CHD4: variants seen among roughly 807,000 people sequenced by gnomAD.
The protein encoded by CHD4 is chromodomain helicase DNA binding protein 4.
Under a neutral mutation model 235.5 loss-of-function variants are expected in CHD4, and 35 were observed. The ratio of observed to expected loss-of-function variants is 0.15; its 90% CI spans 0.11 to 0.20. The LOEUF is 0.20. Ranked by LOEUF, CHD4 falls within the 10% of genes least tolerant of loss-of-function variation. The pLI is 1.00. For synonymous variants in CHD4, 900 were observed against 850.2 expected (o/e 1.06, Z -1.02); for missense variants, 1,329 against 2,432.3 (o/e 0.55, Z 9.54).
At position 6,570,556 on chromosome 12, in the gene CHD4, C is replaced by T; in HGVS notation, c.*120G>A. On this transcript the variant is annotated 3_prime_UTR_variant, in exon 40 of 40. Transcript: ENST00000544040. ...CCAGTGCACTGGGGCTGTTCCTTTA[C>T]AACATGGAAGATGGGCAGAAGGAAG... is the stretch of plus-strand genomic sequence containing the variant. 4 of 1,289,356 alleles carry T rather than the reference C, an allele frequency of 3.1e-6. No homozygotes were observed. In the South Asian group the frequency reaches 5.1e-5, roughly 16 times the overall value. The allele number at this position is 1,289,356 out of a possible 1,614,324, so 79.9% of individuals were successfully genotyped here. A position where few individuals can be genotyped will look rare whatever the true frequency, so the allele number is the denominator to read the frequency against.
rs1391539970 is a variant in CHD4, at chr12:6,570,298, A to G, written c.*378T>C. On this transcript the variant is annotated 3_prime_UTR_variant, in exon 40 of 40. Coordinates refer to ENST00000544040, the MANE Select transcript of CHD4 (RefSeq NM_001273.5). ...ACTCTGAATACCCCCCAAAAAGGAG[A>G]AAAGAAAACACAAAATAAACCAACA... 1.2e-5 allele frequency: 3 copies of G among 241,538 alleles called. No homozygotes were observed. The highest frequency in any genetic ancestry group is 2.4e-5 in the Non-Finnish European group (3 of 124,288). 15.0% of individuals were successfully genotyped at this position (241,538 alleles called of 1,614,324 possible). A position where few individuals can be genotyped will look rare whatever the true frequency, so the allele number is the denominator to read the frequency against.
Position 6,581,774 on chromosome 12 carries a change from G to A in CHD4, c.4556C>T (p.Pro1519Leu). 1 of 1,575,550 alleles carries A rather than the reference G, an allele frequency of 6.3e-7. No homozygotes were observed. Among genetic ancestry groups the A allele is most frequent in the African/African-American group, 1.4e-5 (1 of 74,040 alleles). Residue 1519 changes from proline (P) to leucine (L), a missense_variant, in exon 31 of 40, where the codon CCT becomes CTT. Physicochemically the swap from Pro to Leu is moderately conservative, Grantham distance 98 (BLOSUM62 -3). Transcript: ENST00000544040. ...GTTTTCCTCCACCTCAGCCAGTTCA[G>A]GCATGCTCCAGCGCCCATTAACATG... ...FEHVNGRWSM[P>L]ELAEVEENKK...
chr12:6,585,542 A>G (rs1210474204), intron 25 of CHD4, among the ~76,000 whole-genome samples: 1 of 151,498 alleles, frequency 6.6e-6, no homozygotes, highest in Non-Finnish European at 1.5e-5. Flanking sequence ...TTGGCCTCCC[A>G]AAGTGCTGGG....
In CHD4 at chr12:6,593,487, T is replaced by C; in HGVS notation, c.2443A>G (p.Ile815Val). The change falls in exon 16 of 40, where the codon ATC (isoleucine) becomes GTC (valine). Residue 815 changes from isoleucine to valine, a missense_variant. Around this residue, in one of 26 missense-constraint regions of CHD4, gnomAD observed 78 missense variants for 174.8 expected, o/e 0.45. Coordinates refer to ENST00000544040, the MANE Select transcript of CHD4 (RefSeq NM_001273.5). This position sits in a 1 kb window ranked among gnomAD's most constrained non-coding sequence, Gnocchi z 4.9. ...TYVGDKDSRA[I>V]IRENEFSFED... ...AAGGAGAACTCATTCTCTCGGATGATGGCACGGCTGTCCTTGTCACCCACA... is the reference window on the plus strand; with the variant it reads ...AAGGAGAACTCATTCTCTCGGATGACGGCACGGCTGTCCTTGTCACCCACA... 1 of 1,614,194 alleles carries C rather than the reference T, an allele frequency of 6.2e-7. No homozygotes were observed. Among genetic ancestry groups the C allele is most frequent in the Non-Finnish European group, 8.5e-7 (1 of 1,180,036 alleles).
intron 22 of CHD4, among the ~76,000 whole-genome samples, chr12:6,590,410 G>T (rs535519630): frequency 5.3e-5 from 8 of 152,124 alleles, no homozygotes; most frequent in Non-Finnish European, 1.0e-4. Flanking sequence ...CTGCAGTTAC[G>T]TAAGTTATTA....
chr12:6,573,084 G>C lies in CHD4; in HGVS notation c.5547C>G (p.Val1849=). The change falls in exon 38 of 40, where the codon GTC becomes GTG. Residue 1849 remains valine, a synonymous_variant. Transcript: ENST00000544040. ...GGAGCCACTGGCTACCTTTGTGCAG[G>C]ACTGCATTGGCTGGCTTGTTTCCTG... The part of the protein sequence containing the change: ...SMAGNKPANA[V]LHKVLKQLEE... 6.2e-7 allele frequency: 1 copy of C among 1,608,334 alleles called. No homozygotes were observed. Among genetic ancestry groups the C allele is most frequent in the South Asian group, 1.1e-5 (1 of 89,778 alleles).
Position 6,581,176 on chromosome 12 carries a change from T to TTTG in CHD4, c.4780-4_4780-3insCAA. On this transcript the variant is annotated splice_polypyrimidine_tract_variant and splice_region_variant and intron_variant, in intron 32 of 39. Coordinates refer to ENST00000544040, the MANE Select transcript of CHD4 (RefSeq NM_001273.5). ...GCAGGGGCAGGGGCCTGTGTACACT[T>TTTG]CAAAGGAAAAAAAAACAAAAACAAA... 6.2e-7 allele frequency: 1 copy of TTTG among 1,611,552 alleles called. No individual in the cohort carries two copies. The highest frequency in any genetic ancestry group is 8.5e-7 in the Non-Finnish European group (1 of 1,179,340).
chr12:6,605,180 G>C (rs983441228), intron 2 of CHD4, among the ~76,000 whole-genome samples: 7 of 152,180 alleles, frequency 4.6e-5, no homozygotes, highest in South Asian at 2.1e-4. Context: ...GCTAAGAAGA[G>C]AGAAGGCAGA....
chr12:6,581,012 C>G, intron 33 of CHD4, 32 bp downstream of exon 33: 1 of 1,610,860 alleles, frequency 6.2e-7, no homozygotes, highest in Non-Finnish European at 8.5e-7. Context: ...TCAAAACAAA[C>G]AAACAAACAA....
intron 38 of CHD4, 90 bp downstream of exon 38, chr12:6,572,984 T>G: frequency 3.1e-6 from 4 of 1,303,986 alleles, no homozygotes; most frequent in Non-Finnish European, 4.2e-6. Context: ...ACAAAGGAGC[T>G]CTGAAAGTTT....
Position 6,593,779 on chromosome 12 carries a change from T to C in CHD4, c.2314-163A>G, listed in dbSNP as rs936408602. ...TCTATACAAGTGCCCAGCCCACTCCTTTCCAAAAACCCAAGGTCCCACCAT... is the reference window on the plus strand; with the variant it reads ...TCTATACAAGTGCCCAGCCCACTCCCTTCCAAAAACCCAAGGTCCCACCAT... On this transcript the variant is annotated intron_variant, in intron 15 of 39. Coordinates refer to ENST00000544040, the MANE Select transcript of CHD4 (RefSeq NM_001273.5). This position sits in a 1 kb window ranked among gnomAD's most constrained non-coding sequence, Gnocchi z 4.9. Among the ~76,000 whole-genome samples, 1 of 152,136 alleles carries C rather than the reference T, an allele frequency of 6.6e-6. No individual in the cohort carries two copies. The highest frequency in any genetic ancestry group is 1.5e-5 in the Non-Finnish European group (1 of 68,028).
intron 14 of CHD4, among the ~76,000 whole-genome samples, chr12:6,594,891 A>G (rs764072833): frequency 2.3e-4 from 35 of 152,226 alleles, no homozygotes; most frequent in Non-Finnish European, 5.0e-4. Context: ...AGCACGTCAC[A>G]GACTCCCTAC....
Position 6,578,841 on chromosome 12 carries a change from C to T in CHD4, c.4981+5G>A. On this transcript the variant is annotated splice_donor_5th_base_variant and intron_variant, in intron 34 of 39. Coordinates refer to ENST00000544040, the MANE Select transcript of CHD4 (RefSeq NM_001273.5). ...GAACCACAATCAACTTCTCCAAACA[C>T]CCACCTTTGTCTTCTACCACAATAG... is the stretch of plus-strand genomic sequence containing the variant. The T allele has an allele frequency of 6.2e-7, 1 of 1,614,018 alleles. No individual in the cohort carries two copies. The highest frequency in any genetic ancestry group is 8.5e-7 in the Non-Finnish European group (1 of 1,179,846).
At position 6,570,479 on chromosome 12, in the gene CHD4, G is replaced by C; in HGVS notation, c.*197C>G. The C allele has an allele frequency of 1.5e-6, 1 of 645,720 alleles. No homozygotes were observed. The highest frequency in any genetic ancestry group is 2.0e-5 in the South Asian group (1 of 50,730). 40.0% of individuals were successfully genotyped at this position (645,720 alleles called of 1,614,324 possible). On this transcript the variant is annotated 3_prime_UTR_variant, in exon 40 of 40. Coordinates refer to ENST00000544040, the MANE Select transcript of CHD4 (RefSeq NM_001273.5). ...TGCAGATGGCGCCAGCGCTACTGCT[G>C]CATGTCTCTTCTGCAGGAAGGGCAC...
In CHD4 at chr12:6,578,453, A is replaced by T; in HGVS notation, c.5075T>A (p.Ile1692Asn). The T allele has an allele frequency of 2.5e-6, 4 of 1,614,104 alleles. No individual in the cohort carries two copies. The highest frequency in any genetic ancestry group is 3.4e-6 in the Non-Finnish European group (4 of 1,180,022). The change falls in exon 35 of 40, where the codon ATT becomes AAT. Residue 1692 changes from isoleucine (I) to asparagine (N), a missense_variant. By Grantham distance (149) the Ile-to-Asn change is moderately radical. Coordinates refer to ENST00000544040, the MANE Select transcript of CHD4 (RefSeq NM_001273.5). Reference protein sequence around the residue: ...DLNDEKQKKNIKQRFMFNIAD... With the variant: ...DLNDEKQKKNNKQRFMFNIAD... ...AATGTTAAACATGAAACGTTGTTTAATATTTTTCTTCTGTTTCTCATCATT... is the reference window on the plus strand; with the variant it reads ...AATGTTAAACATGAAACGTTGTTTATTATTTTTCTTCTGTTTCTCATCATT...
At position 6,593,227 on chromosome 12, in the gene CHD4, T is replaced by C. The variant is rs558343040; in HGVS notation, c.2516A>G (p.Lys839Arg). The change falls in exon 17 of 40, where the codon AAA becomes AGA. Residue 839 changes from lysine (K) to arginine (R), a missense_variant and splice_region_variant. By Grantham distance (26) the Lys-to-Arg change is conservative. Transcript: ENST00000544040. The surrounding 1 kb of genome is among the most constrained non-coding windows in gnomAD (Gnocchi z 4.9). ...CACATGGAATTTCACAGATGCCTCT[T>C]TCTGCACATGAAGGCAACTTGGTCA... ...RGGKKASRMKKEASVKFHVLL... is the reference protein window; with the variant it reads ...RGGKKASRMKREASVKFHVLL... 6.2e-7 allele frequency: 1 copy of C among 1,614,058 alleles called. No individual in the cohort carries two copies. Among genetic ancestry groups the C allele is most frequent in the Admixed American group, 1.7e-5 (1 of 60,024 alleles).
rs1418971967 is a variant in CHD4 at position 6,607,319 on chromosome 12, G to C, written c.-98C>G. The C allele has an allele frequency of 6.6e-6, 1 of 151,930 alleles. No individual in the cohort carries two copies. 9.4% of individuals were successfully genotyped at this position (151,930 alleles called of 1,614,324 possible). ...CCTCACCCCGGAGCCGCCGCAGGTC[G>C]CGCTGGGTCCGGCTCGGTGTCACTC... On this transcript the variant is annotated 5_prime_UTR_variant, in exon 1 of 40. Coordinates refer to ENST00000544040, the MANE Select transcript of CHD4 (RefSeq NM_001273.5).
rs1331591838 is a variant in CHD4 at position 6,594,654 on chromosome 12, A to G, written c.2122-4T>C. The G allele has an allele frequency of 1.2e-6, 2 of 1,611,686 alleles. No individual in the cohort carries two copies. The highest frequency in any genetic ancestry group is 1.7e-6 in the Non-Finnish European group (2 of 1,178,630). On this transcript the variant is annotated splice_region_variant and splice_polypyrimidine_tract_variant and intron_variant, in intron 14 of 39. Transcript: ENST00000544040. ...GTCGCTCATACTTCACTGTTGGCTG[A>G]AGGATGAAACAGAGAAGTCAAGAGC... is the stretch of plus-strand genomic sequence containing the variant.
chr12:6,595,830 T>G (rs1592276804), intron 13 of CHD4, among the ~76,000 whole-genome samples, 176 bp downstream of exon 13: 1 of 148,086 alleles, frequency 6.8e-6, no homozygotes, highest in African/African-American at 2.5e-5. Context: ...TGGTGGCGTA[T>G]GCAAATAATC....
Sources: gnomAD v4.1 joint callset for allele counts (sites outside exome capture counted in the v4.1 genomes callset) on GRCh38, gnomAD v4.1.1 for gene constraint, gnomAD v4.1.1 regional missense constraint, Gnocchi (gnomAD v3.1) non-coding constraint, MANE v1.5 for transcripts, NCBI Gene and HGNC (gene_info 2026-07-23, HGNC 2026-07-21) for gene names.